Variants in CADPS observed in about 807,000 individuals in gnomAD.
CADPS encodes the protein calcium dependent secretion activator, also known as calcium-dependent secretion activator 1.
CADPS carries 57 observed loss-of-function variants against 167.3 expected under a neutral mutation model. That is an observed-to-expected ratio of 0.34 (90% CI 0.28 to 0.42). CADPS has a LOEUF of 0.42. Ranked by LOEUF, CADPS falls within the 20% of genes least tolerant of loss-of-function variation. The pLI, the probability that CADPS is intolerant of heterozygous loss-of-function variation, is 1.00. For missense variants in CADPS, 1,414 were observed against 1,738.1 expected (o/e 0.81, Z 3.32); for synonymous variants, 676 against 635.3 (o/e 1.06, Z -0.96).
chr3:62,714,152 G>A (rs1377130125), intron 3 of CADPS, among the ~76,000 whole-genome samples: 1 of 152,032 alleles, frequency 6.6e-6, no homozygotes, highest in Non-Finnish European at 1.5e-5. Flanking sequence ...TGTAAACAAG[G>A]TCACAGCTAG....
chr3:62,565,564 C>A (rs1449746051), intron 9 of CADPS, among the ~76,000 whole-genome samples: 1 of 152,114 alleles, frequency 6.6e-6, no homozygotes, highest in Non-Finnish European at 1.5e-5. Flanking sequence ...ACCTTGGGGT[C>A]TGCATTTTAA....
At chr3:62,415,719 C>G (rs942561572) in intron 28 of CADPS, among the ~76,000 whole-genome samples, 2 of 152,160 alleles carry the variant, frequency 1.3e-5, no homozygotes, top group South Asian at 4.2e-4. Context: ...CAGATTGAGC[C>G]TCGTATAAAG....
At chr3:62,703,568 G>T (rs2151608733) in intron 3 of CADPS, among the ~76,000 whole-genome samples, 1 of 152,232 alleles carries the variant, frequency 6.6e-6, no homozygotes, top group East Asian at 1.9e-4. Flanking sequence ...TTTTTCTTCA[G>T]TGGGATTAGT....
At chr3:62,705,659 G>A (rs928322007) in intron 3 of CADPS, among the ~76,000 whole-genome samples, 1 of 152,120 alleles carries the variant, frequency 6.6e-6, no homozygotes, top group East Asian at 1.9e-4. Context: ...TGTGCTGAAT[G>A]CTTCCTGGCC....
intron 3 of CADPS, among the ~76,000 whole-genome samples, chr3:62,738,021 A>T (rs2079367336): frequency 6.6e-6 from 1 of 151,894 alleles, no homozygotes; most frequent in South Asian, 2.1e-4. Flanking sequence ...CATCTGTTAC[A>T]TTTGCTGCTA....
intron 2 of CADPS, among the ~76,000 whole-genome samples, chr3:62,763,771 A>G (rs1038825821): frequency 6.6e-6 from 1 of 152,222 alleles, no homozygotes; most frequent in Non-Finnish European, 1.5e-5. Context: ...AAGACTCTCC[A>G]AAGTATTTAC....
chr3:62,624,095 G>A (rs533192088), intron 6 of CADPS, among the ~76,000 whole-genome samples: 3 of 152,218 alleles, frequency 2.0e-5, no homozygotes, highest in East Asian at 3.9e-4. Context: ...TCAATACAAC[G>A]TCCAGGACTG....
chr3:62,404,775 A>ATTTTTTTTTTTTTTTTTTTTTTT (rs35095820), intron 28 of CADPS: 1 of 99,726 alleles, frequency 1.0e-5, no homozygotes, highest in African/African-American at 3.6e-5. Flanking sequence ...TAGGAAGTAG[A>ATTTTTTTTTTTTTTTTTTTTTTT]TTTTTTTTTT....
intron 1 of CADPS, among the ~76,000 whole-genome samples, chr3:62,872,906 T>C (rs1465405233): frequency 6.6e-6 from 1 of 152,244 alleles, no homozygotes; most frequent in African/African-American, 2.4e-5. Context: ...GGATAGATTT[T>C]GGAGGTTGAA....
chr3:62,607,980 G>T (rs1295336838), intron 6 of CADPS, among the ~76,000 whole-genome samples: 1 of 152,194 alleles, frequency 6.6e-6, no homozygotes, highest in Non-Finnish European at 1.5e-5. Context: ...TGGCTCTGGA[G>T]GCCAAGTGCA....
chr3:62,480,358 T>C (rs1224145752), intron 22 of CADPS, among the ~76,000 whole-genome samples: 1 of 152,242 alleles, frequency 6.6e-6, no homozygotes, highest in East Asian at 1.9e-4. Flanking sequence ...CTACCTAATC[T>C]AATTTTTTCA....
chr3:62,782,243 T>C (rs1324774062), intron 1 of CADPS, among the ~76,000 whole-genome samples: 1 of 152,186 alleles, frequency 6.6e-6, no homozygotes, highest in East Asian at 1.9e-4. Context: ...CTCTAAAGTT[T>C]AACATCAGGA....
In CADPS at chr3:62,398,389, T is replaced by C. The variant is rs1294659580; in HGVS notation, c.*1017A>G. On this transcript the variant is annotated 3_prime_UTR_variant, in exon 30 of 30. Coordinates refer to ENST00000383710, the MANE Select transcript of CADPS (RefSeq NM_003716.4). ...GAATATTTATTGAGAAGCCACAGTT[T>C]TCCACACTTCCATAACTGTAGGCTT... The C allele has an allele frequency of 6.6e-6, 1 of 152,642 alleles. No individual in the cohort carries two copies. Among genetic ancestry groups the C allele is most frequent in the Non-Finnish European group, 1.5e-5 (1 of 68,044 alleles). The allele number at this position is 152,642 out of a possible 1,614,324, so 9.5% of individuals were successfully genotyped here.
chr3:62,764,483 A>C (rs999383905), intron 2 of CADPS, among the ~76,000 whole-genome samples: 1 of 152,254 alleles, frequency 6.6e-6, no homozygotes, highest in African/African-American at 2.4e-5. Context: ...TTCTTGAAGA[A>C]AATGGTGTAA....
At chr3:62,631,034 C>A (rs1404615984) in intron 6 of CADPS, among the ~76,000 whole-genome samples, 1 of 151,482 alleles carries the variant, frequency 6.6e-6, no homozygotes, top group African/African-American at 2.4e-5. Flanking sequence ...TAAAAAGAGA[C>A]AATAAAAGCT....
intron 6 of CADPS, among the ~76,000 whole-genome samples, chr3:62,628,651 A>G (rs1451504773): frequency 2.0e-5 from 3 of 148,366 alleles, no homozygotes; most frequent in Non-Finnish European, 4.5e-5. Context: ...TTCTTGAGAC[A>G]GAGTCTCGCT....
rs1227861106 is a variant in CADPS at position 62,418,324 on chromosome 3, C to CT, written c.3778-15140dup. ...TTTCTTTTTCTTTTCTTTTTTCTCTCTTTTTTTTTTTTTTTTTTTTGAGAC... is the reference window on the plus strand; with the variant it reads ...TTTCTTTTTCTTTTCTTTTTTCTCTCTTTTTTTTTTTTTTTTTTTTTGAGAC... On this transcript the variant is annotated intron_variant, in intron 28 of 29. Coordinates refer to ENST00000383710, the MANE Select transcript of CADPS (RefSeq NM_003716.4). 8.9e-3 allele frequency among the ~76,000 whole-genome samples: 1,019 copies of CT among 115,032 alleles called. 9 individuals are homozygous for CT. Among genetic ancestry groups the CT allele is most frequent in the Middle Eastern group, 0.018 (4 of 226 alleles). The allele number at this position is 115,032 out of a possible 152,430, so 75.5% of individuals were successfully genotyped here. A position where few individuals can be genotyped will look rare whatever the true frequency, so the allele number is the denominator to read the frequency against.
At chr3:62,757,137 C>A (rs1217993967) in intron 2 of CADPS, among the ~76,000 whole-genome samples, 4 of 152,194 alleles carry the variant, frequency 2.6e-5, no homozygotes, top group East Asian at 1.9e-4. Context: ...AGGGGTTAAG[C>A]CTTTGTTGTC....
intron 10 of CADPS, among the ~76,000 whole-genome samples, chr3:62,553,750 A>T (rs930255074): frequency 1.1e-4 from 16 of 152,248 alleles, no homozygotes; most frequent in Admixed American, 4.6e-4. Flanking sequence ...AGAGCGACAG[A>T]TGAAAGAGAA....
Sources: gnomAD v4.1 joint callset for allele counts (sites outside exome capture counted in the v4.1 genomes callset) on GRCh38, gnomAD v4.1.1 for gene constraint, MANE v1.5 for transcripts, NCBI Gene and HGNC (gene_info 2026-07-23, HGNC 2026-07-21) for gene names.